PINX1: variants seen among roughly 807,000 people sequenced by gnomAD.
PINX1 encodes the protein PIN2 (TERF1) interacting telomerase inhibitor 1, also known as PIN2/TERF1-interacting telomerase inhibitor 1.
PINX1 carries 34 observed loss-of-function variants against 25.4 expected under a neutral mutation model. That is an observed-to-expected ratio of 1.34 (90% confidence interval 1.02 to 1.78). The LOEUF is 1.78. PINX1 is among the 40% of genes most tolerant of loss of function. The probability of loss-of-function intolerance (pLI) is 0.00; values close to 1 mark genes in which losing one functional copy is unlikely to be tolerated. For missense variants in PINX1, 592 were observed against 404.9 expected, an observed-to-expected ratio of 1.46 and a Z score of -3.97; for synonymous variants, 197 against 147.7, an observed-to-expected ratio of 1.33 and a Z score of -2.42.
At chr8:10,785,411 A>C (rs1450160574) in intron 6 of PINX1, among the ~76,000 whole-genome samples, 1 of 152,222 alleles carries the variant, frequency 6.6e-6, no homozygotes, top group Non-Finnish European at 1.5e-5. Flanking sequence ...TTCGGTGATA[A>C]ATTATCCAAA....
chr8:10,834,463 A>G lies in PINX1; in HGVS notation c.129+203T>C, dbSNP rs1798331702. ...GCAATGTCTATGAAAGATGCTAAGC[A>G]TGGCAGCTTAAATGATAGAAAGTTG... On this transcript the variant is annotated intron_variant, in intron 2 of 6. Coordinates refer to ENST00000314787, the MANE Select transcript of PINX1 (RefSeq NM_017884.6). The G allele has an allele frequency of 4.3e-6, 3 of 692,840 alleles. No homozygotes were observed. In the Admixed American group the frequency reaches 9.6e-5, roughly 22 times the overall value. 42.9% of individuals were successfully genotyped at this position (692,840 alleles called of 1,614,324 possible).
At chr8:10,781,919 C>T (rs895315241) in intron 6 of PINX1, among the ~76,000 whole-genome samples, 1 of 151,540 alleles carries the variant, frequency 6.6e-6, no homozygotes, top group Non-Finnish European at 1.5e-5. Flanking sequence ...ATAGCCAAGA[C>T]ATGGAAACAT....
chr8:10,776,974 G>C (rs1238907892), intron 6 of PINX1, among the ~76,000 whole-genome samples: 2 of 152,224 alleles, frequency 1.3e-5, no homozygotes, highest in Admixed American at 1.3e-4. Flanking sequence ...AAATAAGCCA[G>C]TGTTTTCCTC....
At chr8:10,836,159 A>T (rs1798399567) in intron 1 of PINX1, among the ~76,000 whole-genome samples, 1 of 152,206 alleles carries the variant, frequency 6.6e-6, no homozygotes, top group African/African-American at 2.4e-5. Context: ...GCACACATAA[A>T]ATCAATAGAG....
chr8:10,781,532 G>A (rs7823088), intron 6 of PINX1, among the ~76,000 whole-genome samples: 33,041 of 152,110 alleles, frequency 0.22, 3,770 homozygotes, highest in East Asian at 0.32. Flanking sequence ...TAAAAAATGG[G>A]CAAAGATGCT....
At chr8:10,813,826 T>C (rs1291868146) in intron 6 of PINX1, among the ~76,000 whole-genome samples, 1 of 151,776 alleles carries the variant, frequency 6.6e-6, no homozygotes, top group African/African-American at 2.4e-5. Context: ...TTCGGAGTAT[T>C]TTCTCTAGTG....
intron 2 of PINX1, 77 bp downstream of exon 2, chr8:10,834,589 T>C: frequency 2.6e-6 from 4 of 1,528,696 alleles, no homozygotes; most frequent in Non-Finnish European, 3.5e-6. Flanking sequence ...TCTTCCAGTC[T>C]CCTAAGAAGG....
intron 1 of PINX1, among the ~76,000 whole-genome samples, chr8:10,835,531 C>G (rs1047599833): frequency 2.0e-5 from 3 of 152,216 alleles, no homozygotes; most frequent in African/African-American, 7.2e-5. Context: ...TTGAGATGCC[C>G]TGAAGCCCTC....
intron 5 of PINX1, among the ~76,000 whole-genome samples, chr8:10,824,953 G>C (rs1224084577): frequency 2.0e-5 from 3 of 152,184 alleles, no homozygotes; most frequent in Non-Finnish European, 4.4e-5. Context: ...TAGCACGCTG[G>C]GGTGGAGAAG....
chr8:10,823,507 C>A (rs946951092), intron 5 of PINX1, among the ~76,000 whole-genome samples: 2 of 151,660 alleles, frequency 1.3e-5, no homozygotes, highest in African/African-American at 4.9e-5. Flanking sequence ...TCTGCAGAGA[C>A]CTTTTGCATT....
chr8:10,768,518 G>A (rs1003138691), intron 6 of PINX1, among the ~76,000 whole-genome samples: 1 of 152,162 alleles, frequency 6.6e-6, no homozygotes, highest in Non-Finnish European at 1.5e-5. Context: ...ATAGGCACGG[G>A]TCACTGCACA....
intron 5 of PINX1, among the ~76,000 whole-genome samples, chr8:10,823,544 C>G (rs1797940625): frequency 6.6e-6 from 1 of 151,766 alleles, no homozygotes; most frequent in Admixed American, 6.6e-5. Flanking sequence ...AACTACAAAC[C>G]AAGCTGGAGT....
At chr8:10,791,327 G>A (rs1280847846) in intron 6 of PINX1, among the ~76,000 whole-genome samples, 1 of 152,176 alleles carries the variant, frequency 6.6e-6, no homozygotes, top group African/African-American at 2.4e-5. Flanking sequence ...AGCATCTGAA[G>A]CCTCTAGTGA....
At chr8:10,771,976 C>T (rs1445766292) in intron 6 of PINX1, among the ~76,000 whole-genome samples, 1 of 152,210 alleles carries the variant, frequency 6.6e-6, no homozygotes, top group Non-Finnish European at 1.5e-5. Flanking sequence ...TCCTTCTGCT[C>T]TGTCATTCCA....
chr8:10,827,854 C>T (rs547733036), intron 4 of PINX1, among the ~76,000 whole-genome samples: 36 of 143,614 alleles, frequency 2.5e-4, no homozygotes, highest in Non-Finnish European at 4.5e-4. Flanking sequence ...GAGCTTGCAG[C>T]GAGCCGAAAT....
chr8:10,794,121 AT>A (rs1802009547), intron 6 of PINX1, among the ~76,000 whole-genome samples: 1 of 152,188 alleles, frequency 6.6e-6, no homozygotes, highest in African/African-American at 2.4e-5. Context: ...CTCTTCATTA[AT>A]TTTTCTCTTC....
intron 6 of PINX1, among the ~76,000 whole-genome samples, chr8:10,771,890 T>C (rs1419091876): frequency 6.6e-6 from 1 of 152,192 alleles, no homozygotes; most frequent in Non-Finnish European, 1.5e-5. Context: ...TACATCTGAG[T>C]GTCGTCTGCT....
At chr8:10,822,773 G>A (rs1451352310) in intron 5 of PINX1, among the ~76,000 whole-genome samples, 2 of 152,096 alleles carry the variant, frequency 1.3e-5, no homozygotes, top group African/African-American at 4.8e-5. Flanking sequence ...TAGAACTGAG[G>A]CTCAAAAAAC....
chr8:10,769,083 C>G (rs1801146327), intron 6 of PINX1, among the ~76,000 whole-genome samples: 1 of 152,126 alleles, frequency 6.6e-6, no homozygotes, highest in African/African-American at 2.4e-5. Context: ...CCTAATGAAA[C>G]AAATTTAAGA....
Sources: allele counts gnomAD v4.1 joint callset (sites outside exome capture counted in the v4.1 genomes callset), GRCh38; gene constraint gnomAD v4.1.1; transcripts MANE v1.5; gene names NCBI Gene and HGNC (gene_info 2026-07-23, HGNC 2026-07-21).